The following ITPR1 variants were observed in gnomAD, a reference collection of about 807,000 sequenced individuals.
ITPR1 encodes inositol 1,4,5-trisphosphate-gated calcium channel ITPR1.
In ITPR1, 96 loss-of-function variants were observed where a neutral mutation model predicts 318.4. That is an observed-to-expected ratio of 0.30 (90% CI 0.26 to 0.36). ITPR1 has a LOEUF of 0.36. Ranked by LOEUF, ITPR1 falls within the 10% of genes least tolerant of loss-of-function variation. The pLI, the probability that ITPR1 is intolerant of heterozygous loss-of-function variation, is 1.00. For synonymous variants in ITPR1, 1,312 were observed against 1,289.9 expected (o/e 1.02, Z -0.37); for missense variants, 2,440 against 3,460.2 (o/e 0.71, Z 7.40).
intron 20 of ITPR1, 90 bp from the exon 21 acceptor site, chr3:4,673,046 C>T: frequency 2.1e-6 from 3 of 1,402,898 alleles, no homozygotes; most frequent in Non-Finnish European, 2.9e-6. Flanking sequence ...AAATGTCACT[C>T]CCATGACAGT....
At chr3:4,708,127 A>C (rs2094797157) in intron 37 of ITPR1, among the ~76,000 whole-genome samples, 1 of 152,220 alleles carries the variant, frequency 6.6e-6, no homozygotes, top group Admixed American at 6.5e-5. Flanking sequence ...TTTTGAACCA[A>C]GATGAGAAGG....
chr3:4,585,408 A>G (rs1350770429), intron 4 of ITPR1, among the ~76,000 whole-genome samples: 6 of 152,074 alleles, frequency 3.9e-5, no homozygotes, highest in African/African-American at 1.2e-4. Context: ...TATGATTACT[A>G]CTACTACTAA....
intron 5 of ITPR1, among the ~76,000 whole-genome samples, chr3:4,636,095 C>T (rs950799284): frequency 4.6e-5 from 7 of 151,876 alleles, no homozygotes; most frequent in East Asian, 1.9e-4. Flanking sequence ...CCCGACCTCA[C>T]GTGATCCGCC....
rs17041109 is a variant in ITPR1 at position 4,653,686 on chromosome 3, A to G, written c.952-156A>G. ...TGTGTGCTGTACCCATGTGACCTGT[A>G]TCATTGTCGTGGCATGCTGGTTTTG... On this transcript the variant is annotated intron_variant, in intron 11 of 61. Coordinates refer to ENST00000649015, the MANE Select transcript of ITPR1 (RefSeq NM_001378452.1). Among the ~76,000 whole-genome samples, 19,482 of 152,132 alleles carry G rather than the reference A, an allele frequency of 0.13. 3,146 individuals are homozygous for G. Among genetic ancestry groups the G allele is most frequent in the African/African-American group, 0.37 (15,474 of 41,454 alleles).
At chr3:4,708,756 G>C (rs1408906757) in intron 37 of ITPR1, among the ~76,000 whole-genome samples, 1 of 152,236 alleles carries the variant, frequency 6.6e-6, no homozygotes, top group Admixed American at 6.5e-5. Flanking sequence ...GCATTATCCA[G>C]TTATTTACTG....
chr3:4,659,494 G>C (rs1016567264), intron 13 of ITPR1, among the ~76,000 whole-genome samples: 3 of 151,982 alleles, frequency 2.0e-5, no homozygotes, highest in African/African-American at 7.3e-5. Context: ...AGACCAGCTG[G>C]ACAACATGAC....
intron 54 of ITPR1, among the ~76,000 whole-genome samples, chr3:4,804,544 G>A (rs1274564308): frequency 6.6e-6 from 1 of 152,176 alleles, no homozygotes; most frequent in Non-Finnish European, 1.5e-5. Flanking sequence ...AGAAAACTAG[G>A]GCAGAAGTTA....
chr3:4,520,433 T>C (rs1291413729), intron 3 of ITPR1, among the ~76,000 whole-genome samples: 3 of 152,200 alleles, frequency 2.0e-5, no homozygotes, highest in Admixed American at 2.0e-4. Context: ...CATGGTTCTT[T>C]CCACCTGGAA....
At chr3:4,837,310 G>C (rs578219430) in intron 61 of ITPR1, among the ~76,000 whole-genome samples, 2 of 152,090 alleles carry the variant, frequency 1.3e-5, no homozygotes, top group African/African-American at 4.8e-5. Flanking sequence ...TTCTTGTTTT[G>C]CTTCCTAGCC....
intron 4 of ITPR1, among the ~76,000 whole-genome samples, chr3:4,556,675 A>G (rs1408270156): frequency 2.0e-5 from 3 of 152,070 alleles, no homozygotes; most frequent in African/African-American, 2.4e-5. Context: ...GTAATATTAC[A>G]TTGCCTGGAT....
intron 4 of ITPR1, among the ~76,000 whole-genome samples, chr3:4,553,976 C>G (rs9865200): frequency 0.68 from 103,906 of 151,734 alleles, 37,491 homozygotes; most frequent in Non-Finnish European, 0.8. Context: ...CTCCTGGGCT[C>G]AAGCAGTCCG....
chr3:4,773,071 G>A (rs951421101), intron 46 of ITPR1, among the ~76,000 whole-genome samples: 6 of 152,266 alleles, frequency 3.9e-5, no homozygotes, highest in East Asian at 1.9e-4. Flanking sequence ...CGCTGTCAAC[G>A]TGGTCCTTGG....
At chr3:4,501,074 T>A (rs1458540888) in intron 2 of ITPR1, among the ~76,000 whole-genome samples, 1 of 152,036 alleles carries the variant, frequency 6.6e-6, no homozygotes. Context: ...ATTGTCCAGG[T>A]TGGCCTTGAA....
At chr3:4,494,192 G>A (rs1225683063) in intron 1 of ITPR1, among the ~76,000 whole-genome samples, 1 of 152,232 alleles carries the variant, frequency 6.6e-6, no homozygotes, top group Non-Finnish European at 1.5e-5. Flanking sequence ...CCTCCCGCAC[G>A]TTCGAAGTTT....
At chr3:4,843,149 G>C (rs2051490047) in intron 61 of ITPR1, among the ~76,000 whole-genome samples, 1 of 135,660 alleles carries the variant, frequency 7.4e-6, no homozygotes, top group Non-Finnish European at 1.5e-5. Flanking sequence ...CACTTTAGCA[G>C]TTGCCCAATT....
chr3:4,534,369 G>T (rs752101375), intron 4 of ITPR1, among the ~76,000 whole-genome samples: 3 of 152,136 alleles, frequency 2.0e-5, no homozygotes, highest in African/African-American at 4.8e-5. Context: ...ATTGGCCAAG[G>T]TGGAGGCATC....
At chr3:4,687,367 C>T (rs2094411920) in intron 30 of ITPR1, among the ~76,000 whole-genome samples, 2 of 152,186 alleles carry the variant, frequency 1.3e-5, no homozygotes, top group African/African-American at 4.8e-5. Flanking sequence ...TCATAACAAT[C>T]ACATGAAGTG....
chr3:4,648,137 A>G (rs1395867119), intron 10 of ITPR1, among the ~76,000 whole-genome samples: 2 of 151,994 alleles, frequency 1.3e-5, no homozygotes, highest in Non-Finnish European at 2.9e-5. Context: ...GGGCAACAAG[A>G]GTGAAACTCT....
intron 4 of ITPR1, among the ~76,000 whole-genome samples, chr3:4,594,908 T>C (rs1287717721): frequency 8.3e-6 from 1 of 120,670 alleles, no homozygotes. Context: ...GTGTAGATCG[T>C]ATCACCCTGG....
Sources: gnomAD v4.1 joint callset for allele counts (sites outside exome capture counted in the v4.1 genomes callset) on GRCh38, gnomAD v4.1.1 for gene constraint, MANE v1.5 for transcripts, NCBI Gene and HGNC (gene_info 2026-07-23, HGNC 2026-07-21) for gene names.